PSPC1: variants seen among roughly 807,000 people sequenced by gnomAD.
PSPC1 encodes the protein paraspeckle component 1.
Under a neutral mutation model 51.6 loss-of-function variants are expected in PSPC1, and 14 were observed. That is an observed-to-expected ratio of 0.27 (90% CI 0.18 to 0.42). The LOEUF is 0.42. Ranked by LOEUF, PSPC1 falls within the 10% of genes least tolerant of loss-of-function variation. The probability of loss-of-function intolerance (pLI) is 1.00; values close to 1 mark genes in which losing one functional copy is unlikely to be tolerated. For synonymous variants in PSPC1, 193 were observed against 231.9 expected (o/e 0.83, Z 1.53); for missense variants, 406 against 701.1 (o/e 0.58, Z 4.75).
chr13:19,688,887 T>C (rs938963484), intron 6 of PSPC1, among the ~76,000 whole-genome samples: 1 of 151,962 alleles, frequency 6.6e-6, no homozygotes, highest in East Asian at 1.9e-4. Context: ...TATTAGTTTA[T>C]ATGGCATCAA....
At chr13:19,752,865 C>T (rs1383195657) in intron 3 of PSPC1, among the ~76,000 whole-genome samples, 11 of 151,550 alleles carry the variant, frequency 7.3e-5, no homozygotes, top group Admixed American at 1.3e-4. Context: ...GGATTACAGG[C>T]GTGAGCCACC....
intron 6 of PSPC1, among the ~76,000 whole-genome samples, chr13:19,727,636 T>C (rs1182848510): frequency 6.6e-6 from 1 of 152,230 alleles, no homozygotes; most frequent in Non-Finnish European, 1.5e-5. Flanking sequence ...TTTAGTCCAA[T>C]GCAGATTTTT....
intron 6 of PSPC1, among the ~76,000 whole-genome samples, chr13:19,727,427 A>C (rs570143325): frequency 6.6e-6 from 1 of 152,254 alleles, no homozygotes; most frequent in Admixed American, 6.6e-5. Context: ...GAAACTTCTC[A>C]AATTTTAAAA....
At chr13:19,740,731 T>C (rs1404472759) in intron 5 of PSPC1, among the ~76,000 whole-genome samples, 1 of 152,204 alleles carries the variant, frequency 6.6e-6, no homozygotes, top group Non-Finnish European at 1.5e-5. Flanking sequence ...GCTATCAATG[T>C]GGGTTTATAT....
chr13:19,693,247 A>G (rs1233138498), intron 6 of PSPC1, among the ~76,000 whole-genome samples: 1 of 152,200 alleles, frequency 6.6e-6, no homozygotes, highest in African/African-American at 2.4e-5. Context: ...CTCAAACGCT[A>G]TCATCTTAGT....
rs3852596 is a variant in PSPC1 at position 19,703,273 on chromosome 13, T to A, written c.1474A>T (p.Met492Leu). 1.0e-4 allele frequency: 164 copies of A among 1,581,446 alleles called. No individual in the cohort carries two copies. In the African/African-American group the frequency reaches 2.3e-3, roughly 22 times the overall value. The change falls in exon 9 of 9, where the codon ATG (methionine) becomes TTG (leucine). Residue 492 changes from methionine to leucine, a missense_variant. By Grantham distance (15) the Met-to-Leu change is conservative. This residue lies in a region of PSPC1 where 34 missense variants were observed against 158.6 expected (regional missense o/e 0.21). Coordinates refer to ENST00000338910, the MANE Select transcript of PSPC1 (RefSeq NM_001354909.2). ...RTGSETPQAPMSGVGPVSGGP... is the reference protein window; with the variant it reads ...RTGSETPQAPLSGVGPVSGGP... ...CCACTCACAGGACCTACACCACTCA[T>A]TGGTGCTTGAGGGGTTTCAGAACCT... is the stretch of plus-strand genomic sequence containing the variant.
In PSPC1 at chr13:19,748,225, G is replaced by GAA. The variant is rs11379226; in HGVS notation, c.967+3044_967+3045dup. Among the ~76,000 whole-genome samples, 980 of 147,032 alleles carry GAA rather than the reference G, an allele frequency of 6.7e-3. 9 individuals carry two copies. Among genetic ancestry groups the GAA allele is most frequent in the South Asian group, 0.027 (126 of 4,728 alleles). On this transcript the variant is annotated intron_variant, in intron 4 of 8. Transcript: ENST00000338910. ...AGAGCAAGAGTCTGTCTCAAAAAAA[G>GAA]AAAAAAAAAAAGAAATACAAAATTG...
intron 1 of PSPC1, among the ~76,000 whole-genome samples, chr13:19,780,653 A>C (rs529988022): frequency 2.3e-4 from 30 of 132,502 alleles, no homozygotes; most frequent in African/African-American, 7.5e-4. Context: ...AATCTCAAGT[A>C]ATCAGGGACA....
intron 6 of PSPC1, among the ~76,000 whole-genome samples, chr13:19,686,393 G>A (rs1877880766): frequency 6.6e-6 from 1 of 152,178 alleles, no homozygotes; most frequent in African/African-American, 2.4e-5. Context: ...CAACATTTCA[G>A]TAGCAGGGGG....
At chr13:19,688,154 A>G (rs935181101) in intron 6 of PSPC1, among the ~76,000 whole-genome samples, 1 of 152,110 alleles carries the variant, frequency 6.6e-6, no homozygotes, top group Admixed American at 6.5e-5. Flanking sequence ...AGAGCATTCT[A>G]TGAAAATCCT....
intron 2 of PSPC1, among the ~76,000 whole-genome samples, chr13:19,770,681 G>A (rs917239286): frequency 2.0e-5 from 3 of 152,012 alleles, no homozygotes; most frequent in East Asian, 1.9e-4. Context: ...CCAACTACTC[G>A]GGAGGCTGAG....
intron 3 of PSPC1, among the ~76,000 whole-genome samples, chr13:19,753,445 G>A (rs1389956828): frequency 1.3e-5 from 2 of 152,030 alleles, no homozygotes; most frequent in East Asian, 1.9e-4. Flanking sequence ...TACGTTTGTT[G>A]CCCAGGCTGG....
At chr13:19,692,956 C>G (rs1053405782) in intron 6 of PSPC1, among the ~76,000 whole-genome samples, 4 of 152,182 alleles carry the variant, frequency 2.6e-5, no homozygotes, top group Non-Finnish European at 1.5e-5. Context: ...GTCACTCTTA[C>G]ATTTAACATA....
intron 6 of PSPC1, among the ~76,000 whole-genome samples, chr13:19,721,298 T>C (rs757528816): frequency 3.4e-4 from 52 of 152,058 alleles, no homozygotes; most frequent in Non-Finnish European, 6.2e-4. Flanking sequence ...TTATTATTAG[T>C]TATATTATAC....
intron 6 of PSPC1, among the ~76,000 whole-genome samples, chr13:19,730,032 C>T (rs1429894552): frequency 6.6e-6 from 1 of 152,054 alleles, no homozygotes; most frequent in African/African-American, 2.4e-5. Flanking sequence ...AAAAATATAA[C>T]ATCCACTTCA....
chr13:19,704,386 C>T (rs1880375501), intron 8 of PSPC1, among the ~76,000 whole-genome samples: 1 of 151,858 alleles, frequency 6.6e-6, no homozygotes, highest in African/African-American at 2.4e-5. Flanking sequence ...ATTCTTGAAG[C>T]AAATAAAATA....
intron 6 of PSPC1, among the ~76,000 whole-genome samples, chr13:19,711,795 G>C (rs1013233211): frequency 6.6e-6 from 1 of 150,580 alleles, no homozygotes; most frequent in Admixed American, 6.6e-5. Context: ...AATGAACCAA[G>C]ATTGCACTAT....
At chr13:19,751,871 C>T (rs1313154629) in intron 3 of PSPC1, among the ~76,000 whole-genome samples, 2 of 152,072 alleles carry the variant, frequency 1.3e-5, no homozygotes, top group Admixed American at 6.6e-5. Context: ...TCCTGGCTAA[C>T]GTTGTGAAAT....
rs564459428 is a variant in PSPC1, at chr13:19,761,046, G to T, written c.675-1628C>A. On this transcript the variant is annotated intron_variant, in intron 2 of 8. Transcript: ENST00000338910. Reference sequence around the variant, plus strand: ...GGTAGCATACACTACTCAGGAGGCTGAGGTGGGAAGATCACTTGAGCCCAG... The same window carrying T: ...GGTAGCATACACTACTCAGGAGGCTTAGGTGGGAAGATCACTTGAGCCCAG... Among the ~76,000 whole-genome samples, 33 of 152,096 alleles carry T rather than the reference G, an allele frequency of 2.2e-4. No individual in the cohort carries two copies. The South Asian group carries it at 6.0e-3, about 28-fold the overall frequency.
Sources: gnomAD v4.1 joint callset for allele counts (sites outside exome capture counted in the v4.1 genomes callset) on GRCh38, gnomAD v4.1.1 for gene constraint, gnomAD v4.1.1 regional missense constraint, MANE v1.5 for transcripts, NCBI Gene and HGNC (gene_info 2026-07-23, HGNC 2026-07-21) for gene names.